The following CD2AP variants were observed in gnomAD, a reference collection of about 807,000 sequenced individuals.
The protein encoded by CD2AP is CD2-associated protein.
CD2AP carries 46 observed loss-of-function variants against 85.1 expected under a neutral mutation model. The observed-to-expected ratio is 0.54, with a 90% CI of 0.43 to 0.69. CD2AP has a LOEUF of 0.69. Among genes scored for constraint, CD2AP ranks in the 30% least tolerant of loss-of-function variants. The probability of loss-of-function intolerance (pLI) is 0.00; values close to 1 mark genes in which losing one functional copy is unlikely to be tolerated. For synonymous variants in CD2AP, 255 were observed against 252.9 expected (o/e 1.01, Z -0.08); for missense variants, 769 against 729.5 (o/e 1.05, Z -0.62).
At chr6:47,575,497 C>A (rs978291705) in intron 6 of CD2AP, among the ~76,000 whole-genome samples, 7 of 152,056 alleles carry the variant, frequency 4.6e-5, no homozygotes, top group Non-Finnish European at 8.8e-5. Flanking sequence ...ATCACTGATC[C>A]AGGAATTGAT....
chr6:47,592,905 C>T (rs1347880986), intron 11 of CD2AP, among the ~76,000 whole-genome samples: 1 of 152,132 alleles, frequency 6.6e-6, no homozygotes, highest in Non-Finnish European at 1.5e-5. Context: ...TCTGTGAGCT[C>T]TTCTAACAAG....
intron 1 of CD2AP, among the ~76,000 whole-genome samples, chr6:47,480,639 G>A (rs1561996520): frequency 6.6e-6 from 1 of 152,190 alleles, no homozygotes; most frequent in African/African-American, 2.4e-5. Context: ...AGGATTGAAT[G>A]AGTTACTACT....
At chr6:47,518,329 A>T (rs1246697402) in intron 2 of CD2AP, among the ~76,000 whole-genome samples, 1 of 152,238 alleles carries the variant, frequency 6.6e-6, no homozygotes, top group African/African-American at 2.4e-5. Context: ...TAACATTAAG[A>T]TATTAGAACA....
chr6:47,484,351 CTT>C (rs35006084), intron 1 of CD2AP, among the ~76,000 whole-genome samples: 2,245 of 141,276 alleles, frequency 0.016, 36 homozygotes, highest in African/African-American at 0.036. Flanking sequence ...GATATTACCT[CTT>C]TTTTTTTTTT....
chr6:47,503,799 G>A (rs1766059396), intron 2 of CD2AP, among the ~76,000 whole-genome samples: 1 of 152,208 alleles, frequency 6.6e-6, no homozygotes, highest in Non-Finnish European at 1.5e-5. Context: ...TTGTGAAATA[G>A]TTATGACAGA....
chr6:47,596,011 C>T lies in CD2AP; in HGVS notation c.1259C>T (p.Pro420Leu), dbSNP rs761603787. 2.5e-6 allele frequency: 4 copies of T among 1,612,004 alleles called. No individual in the cohort carries two copies. In the South Asian group the frequency reaches 4.4e-5, roughly 18 times the overall value. The change falls in exon 12 of 18, where the codon CCA (proline) becomes CTA (leucine). Residue 420 changes from proline (P) to leucine (L), a missense_variant. By Grantham distance (98) the Pro-to-Leu change is moderately conservative. Transcript: ENST00000359314. Reference protein sequence around the residue: ...PKRPEKPVPPPPPIAKINGEV... With the variant: ...PKRPEKPVPPLPPIAKINGEV... ...CGACCTGAAAAACCAGTTCCTCCAC[C>T]ACCTCCTATAGCCAAGTAAGTTTTA...
chr6:47,496,055 C>G (rs1323501835), intron 1 of CD2AP, among the ~76,000 whole-genome samples: 1 of 152,086 alleles, frequency 6.6e-6, no homozygotes, highest in Non-Finnish European at 1.5e-5. Context: ...CTTACCACTT[C>G]TTTTGTTTTT....
At chr6:47,560,868 C>T (rs898242741) in intron 5 of CD2AP, among the ~76,000 whole-genome samples, 3 of 152,120 alleles carry the variant, frequency 2.0e-5, no homozygotes, top group African/African-American at 7.2e-5. Context: ...AAATTTTACT[C>T]AAATAGTTGT....
intron 1 of CD2AP, among the ~76,000 whole-genome samples, chr6:47,491,904 T>G (rs1765745600): frequency 6.6e-6 from 1 of 152,134 alleles, no homozygotes; most frequent in African/African-American, 2.4e-5. Flanking sequence ...TAAGCAAAAC[T>G]TTTTTCTTTT....
chr6:47,557,683 A>G (rs1242292570), intron 5 of CD2AP, among the ~76,000 whole-genome samples: 6 of 152,082 alleles, frequency 3.9e-5, no homozygotes, highest in African/African-American at 9.7e-5. Flanking sequence ...CCATTGGTCT[A>G]TATATCTTTT....
chr6:47,494,177 C>T (rs6931478), intron 1 of CD2AP, among the ~76,000 whole-genome samples: 3 of 151,838 alleles, frequency 2.0e-5, no homozygotes, highest in Admixed American at 6.6e-5. Context: ...GTAGTTAAAT[C>T]GTTAGTGTGA....
At chr6:47,567,197 A>G (rs1768027041) in intron 5 of CD2AP, among the ~76,000 whole-genome samples, 1 of 151,070 alleles carries the variant, frequency 6.6e-6, no homozygotes, top group Non-Finnish European at 1.5e-5. Context: ...ATTTTCTTTT[A>G]GGTATGCTTA....
intron 2 of CD2AP, among the ~76,000 whole-genome samples, chr6:47,512,144 C>G (rs371139492): frequency 1.7e-3 from 258 of 151,540 alleles, no homozygotes; most frequent in African/African-American, 6.0e-3. Context: ...GGCAACAGAG[C>G]GAGACTCCGT....
intron 5 of CD2AP, among the ~76,000 whole-genome samples, chr6:47,570,994 C>T (rs901696050): frequency 1.3e-5 from 2 of 152,102 alleles, no homozygotes; most frequent in African/African-American, 4.8e-5. Context: ...ATAAAGGTTA[C>T]AGTCACTAAA....
chr6:47,515,458 G>A (rs890431787), intron 2 of CD2AP, among the ~76,000 whole-genome samples: 8 of 152,102 alleles, frequency 5.3e-5, no homozygotes, highest in South Asian at 2.1e-4. Context: ...ATTCACATAC[G>A]TTATCTCACT....
Position 47,593,825 on chromosome 6 carries a change from C to T in CD2AP, c.1109-2036C>T, listed in dbSNP as rs566220250. 2.0e-5 allele frequency among the ~76,000 whole-genome samples: 3 copies of T among 152,198 alleles called. No homozygotes were observed. The South Asian group carries it at 6.2e-4, about 32-fold the overall frequency. On this transcript the variant is annotated intron_variant, in intron 11 of 17. Transcript: ENST00000359314. ...AACGTCCAAGAGAATTGACAACAGA[C>T]TCTCGTGTATTGTATGTAAATATTC...
At chr6:47,595,820 ATTT>A in intron 11 of CD2AP, 38 bp from the exon 12 acceptor site, 1 of 1,564,192 alleles carries the variant, frequency 6.4e-7, no homozygotes, top group Non-Finnish European at 8.8e-7. Flanking sequence ...AACCTAAATA[ATTT>A]TGATTGTTAA....
At chr6:47,481,754 T>A (rs1017535632) in intron 1 of CD2AP, among the ~76,000 whole-genome samples, 4 of 152,190 alleles carry the variant, frequency 2.6e-5, no homozygotes, top group African/African-American at 9.7e-5. Flanking sequence ...GAGAAAATAT[T>A]TTAAAAATTT....
intron 2 of CD2AP, among the ~76,000 whole-genome samples, chr6:47,510,721 C>T (rs966894414): frequency 3.9e-5 from 6 of 152,060 alleles, no homozygotes; most frequent in African/African-American, 1.4e-4. Context: ...ATACTTATTT[C>T]CTTTTCCGCA....
Sources: allele counts gnomAD v4.1 joint callset (sites outside exome capture counted in the v4.1 genomes callset), GRCh38; gene constraint gnomAD v4.1.1; transcripts MANE v1.5; gene names NCBI Gene and HGNC (gene_info 2026-07-23, HGNC 2026-07-21).